MINDY4: variants seen among roughly 807,000 people sequenced by gnomAD.
The protein encoded by MINDY4 is MINDY lysine 48 deubiquitinase 4.
In MINDY4, 68 loss-of-function variants were observed where a neutral mutation model predicts 87.0. That is an observed-to-expected ratio of 0.78 (90% CI 0.64 to 0.96). MINDY4 has a LOEUF of 0.96. MINDY4 is among the 40% of genes least tolerant of loss of function. MINDY4 has a pLI of 0.00. For synonymous variants in MINDY4, 379 were observed against 363.2 expected (o/e 1.04, Z -0.50); for missense variants, 919 against 928.2 (o/e 0.99, Z 0.13).
At chr7:30,859,562 C>T (rs183555800) in intron 13 of MINDY4, among the ~76,000 whole-genome samples, 11 of 152,322 alleles carry the variant, frequency 7.2e-5, no homozygotes, top group South Asian at 2.1e-4. Flanking sequence ...CTGAAAGACA[C>T]GCCACCAGCC....
rs560830874 is a variant in MINDY4 at position 30,802,109 on chromosome 7, T to C, written c.1073+10535T>C. Among the ~76,000 whole-genome samples, 122 of 152,234 alleles carry C rather than the reference T, an allele frequency of 8.0e-4. 1 individual carries two copies. Among genetic ancestry groups the C allele is most frequent in the Non-Finnish European group, 1.8e-4 (12 of 68,016 alleles). On this transcript the variant is annotated intron_variant, in intron 5 of 17. Transcript: ENST00000265299. Reference sequence around the variant, plus strand: ...CAGGAGTGGTATTATGGAGAATCTTTCCTGTATTCCTTTTTTTCTCACTCC... The same window carrying C: ...CAGGAGTGGTATTATGGAGAATCTTCCCTGTATTCCTTTTTTTCTCACTCC...
Position 30,872,228 on chromosome 7 carries a change from T to G in MINDY4, c.1746-15T>G, listed in dbSNP as rs771892267. 7 of 1,613,688 alleles carry G rather than the reference T, an allele frequency of 4.3e-6. No individual in the cohort carries two copies. Among genetic ancestry groups the G allele is most frequent in the African/African-American group, 4.0e-5 (3 of 74,866 alleles). On this transcript the variant is annotated splice_polypyrimidine_tract_variant and intron_variant, in intron 13 of 17. Transcript: ENST00000265299. Reference sequence around the variant, plus strand: ...CAGGCAGAGCTGTGCTAACAATGCTTCTTGTGTTTTCCAGCATCCGCCAGG... The same window carrying G: ...CAGGCAGAGCTGTGCTAACAATGCTGCTTGTGTTTTCCAGCATCCGCCAGG...
At chr7:30,848,226 TG>T (rs1789286935) in intron 9 of MINDY4, among the ~76,000 whole-genome samples, 1 of 152,176 alleles carries the variant, frequency 6.6e-6, no homozygotes, top group African/African-American at 2.4e-5. Flanking sequence ...CTATCCATGT[TG>T]GGGAACACTG....
chr7:30,800,718 T>C (rs1240458862), intron 5 of MINDY4, among the ~76,000 whole-genome samples: 2 of 152,248 alleles, frequency 1.3e-5, no homozygotes, highest in Non-Finnish European at 2.9e-5. Flanking sequence ...GGCTGTACTT[T>C]TAATTCACAG....
In MINDY4 at chr7:30,781,997, A is replaced by T. The variant is rs759284557; in HGVS notation, c.204A>T (p.Lys68Asn). ...KENKAKENPL[K>N]TSLELITRYF... ...GATAGGCAAAGGAAAATCCTCTAAA[A>T]ACAAGCCTTGAACTCATCACCAGAT... is the stretch of plus-strand genomic sequence containing the variant. Residue 68 changes from lysine to asparagine, a missense_variant, in exon 3 of 18, where the codon AAA becomes AAT. By Grantham distance (94) the Lys-to-Asn change is moderately conservative. Transcript: ENST00000265299. 1.2e-6 allele frequency: 2 copies of T among 1,613,234 alleles called. No individual in the cohort carries two copies. The highest frequency in any genetic ancestry group is 2.7e-5 in the African/African-American group (2 of 74,868).
chr7:30,873,483 G>A (rs1188537406), intron 14 of MINDY4, among the ~76,000 whole-genome samples: 1 of 152,234 alleles, frequency 6.6e-6, no homozygotes, highest in Non-Finnish European at 1.5e-5. Flanking sequence ...GAACAGGGCT[G>A]CTTACACTTT....
At chr7:30,821,952 A>G (rs544062947) in intron 5 of MINDY4, among the ~76,000 whole-genome samples, 1 of 152,290 alleles carries the variant, frequency 6.6e-6, no homozygotes, top group South Asian at 2.1e-4. Flanking sequence ...AGCAATTGGT[A>G]TGATTTTGTC....
At chr7:30,777,173 G>T (rs1401731489) in intron 1 of MINDY4, among the ~76,000 whole-genome samples, 3 of 152,022 alleles carry the variant, frequency 2.0e-5, no homozygotes, top group South Asian at 2.1e-4. Context: ...CCATGCCCAG[G>T]CCCCCGGTGG....
rs185746629 is a variant in MINDY4, at chr7:30,793,005, A to G, written c.1073+1431A>G. Among the ~76,000 whole-genome samples the G allele has an allele frequency of 1.7e-3, 256 of 148,498 alleles. 2 individuals are homozygous for G. The Middle Eastern group carries it at 0.022, about 13-fold the overall frequency. On this transcript the variant is annotated intron_variant, in intron 5 of 17. Coordinates refer to ENST00000265299, the MANE Select transcript of MINDY4 (RefSeq NM_032222.3). ...TATTCCGTAAGTTAATACGTTACAT[A>G]TTCGTATAACTTAGTTAATATATTT...
chr7:30,875,724 G>C, intron 15 of MINDY4, 68 bp downstream of exon 15: 5 of 1,515,156 alleles, frequency 3.3e-6, no homozygotes, highest in Non-Finnish European at 4.4e-6. Flanking sequence ...GGAGGGAAGT[G>C]GGGAAGGAAA....
At chr7:30,864,318 C>A (rs1482142182) in intron 13 of MINDY4, among the ~76,000 whole-genome samples, 2 of 152,190 alleles carry the variant, frequency 1.3e-5, no homozygotes, top group African/African-American at 2.4e-5. Flanking sequence ...ATAGTTGATT[C>A]CTTTGTGCAA....
intron 4 of MINDY4, among the ~76,000 whole-genome samples, chr7:30,790,589 A>G (rs898590747): frequency 7.9e-5 from 12 of 151,976 alleles, no homozygotes; most frequent in Non-Finnish European, 4.4e-5. Flanking sequence ...GATTACAGTC[A>G]TGCACCACCA....
At chr7:30,836,435 C>T (rs1297990529) in intron 6 of MINDY4, among the ~76,000 whole-genome samples, 1 of 152,194 alleles carries the variant, frequency 6.6e-6, no homozygotes, top group Non-Finnish European at 1.5e-5. Context: ...ATGAACAGAG[C>T]AGGGTTGTGA....
intron 17 of MINDY4, among the ~76,000 whole-genome samples, chr7:30,888,352 A>G (rs931861517): frequency 2.0e-5 from 3 of 152,154 alleles, no homozygotes; most frequent in African/African-American, 7.2e-5. Flanking sequence ...CTGGGAGAGG[A>G]TGCTAAACAT....
In MINDY4 at chr7:30,840,751, T is replaced by A. The variant is rs762496080; in HGVS notation, c.1357-9T>A. The A allele has an allele frequency of 7.4e-6, 12 of 1,613,520 alleles. No individual in the cohort carries two copies. In the East Asian group the frequency reaches 2.7e-4, roughly 36 times the overall value. On this transcript the variant is annotated splice_polypyrimidine_tract_variant and intron_variant, in intron 8 of 17. Coordinates refer to ENST00000265299, the MANE Select transcript of MINDY4 (RefSeq NM_032222.3). ...TTCTCACTGGCAGCAATGGTCTCAT[T>A]CTTTGCAGGGTGGTCCTTGCGGAGT...
chr7:30,863,271 C>T (rs893884756), intron 13 of MINDY4, among the ~76,000 whole-genome samples: 6 of 152,198 alleles, frequency 3.9e-5, no homozygotes, highest in African/African-American at 1.2e-4. Context: ...TGCAGTTCAG[C>T]TGGAGAGAAG....
intron 17 of MINDY4, among the ~76,000 whole-genome samples, chr7:30,888,317 G>A (rs547602275): frequency 6.6e-6 from 1 of 152,348 alleles, no homozygotes; most frequent in African/African-American, 2.4e-5. Context: ...GCCAATGTCT[G>A]AGGACATTTT....
At chr7:30,869,973 G>T (rs992389824) in intron 13 of MINDY4, among the ~76,000 whole-genome samples, 54 of 152,162 alleles carry the variant, frequency 3.5e-4, no homozygotes, top group African/African-American at 1.3e-3. Flanking sequence ...CTAGAGGGAG[G>T]TCTGGGCATC....
intron 13 of MINDY4, among the ~76,000 whole-genome samples, chr7:30,866,109 A>G (rs1789926639): frequency 1.3e-5 from 2 of 152,200 alleles, no homozygotes; most frequent in Non-Finnish European, 2.9e-5. Context: ...ATGGACACCA[A>G]GCCTGAGAGC....
Sources: gnomAD v4.1 joint callset for allele counts (sites outside exome capture counted in the v4.1 genomes callset) on GRCh38, gnomAD v4.1.1 for gene constraint, MANE v1.5 for transcripts, NCBI Gene and HGNC (gene_info 2026-07-23, HGNC 2026-07-21) for gene names.